The following TNFRSF11A variants were observed in gnomAD, a reference collection of about 807,000 sequenced individuals.
TNFRSF11A encodes the protein TNF receptor superfamily member 11a, also known as tumor necrosis factor receptor superfamily member 11A.
In TNFRSF11A, 32 loss-of-function variants were observed where a neutral mutation model predicts 55.7. The ratio of observed to expected loss-of-function variants is 0.57; its 90% CI spans 0.43 to 0.77. The LOEUF is 0.77. Among genes scored for constraint, TNFRSF11A ranks in the 30% least tolerant of loss-of-function variants. The pLI, the probability that TNFRSF11A is intolerant of heterozygous loss-of-function variation, is 0.00. For missense variants in TNFRSF11A, 753 were observed against 809.8 expected, an observed-to-expected ratio of 0.93 and a Z score of 0.85; for synonymous variants, 311 against 331.0, an observed-to-expected ratio of 0.94 and a Z score of 0.65.
intron 9 of TNFRSF11A, among the ~76,000 whole-genome samples, chr18:62,369,799 A>G (rs1421353364): frequency 1.3e-5 from 2 of 152,200 alleles, no homozygotes; most frequent in Admixed American, 6.5e-5. Context: ...GACCCCGGAA[A>G]GACAAAGTCA....
In TNFRSF11A at chr18:62,325,499, C is replaced by G; in HGVS notation, c.75+72C>G. The G allele has an allele frequency of 9.6e-7, 1 of 1,043,920 alleles. No homozygotes were observed. The highest frequency in any genetic ancestry group is 1.2e-6 in the Non-Finnish European group (1 of 827,990). 64.7% of individuals were successfully genotyped at this position (1,043,920 alleles called of 1,614,324 possible). The stretch of plus-strand genomic sequence containing the variant: ...CGGGAGCCCCGGGAAGGGCCGGGGC[C>G]GGCGGCATCCTGGCTCCTCCGCCTT... On this transcript the variant is annotated intron_variant, in intron 1 of 9. Coordinates refer to ENST00000586569, the MANE Select transcript of TNFRSF11A (RefSeq NM_003839.4). This position sits in a 1 kb window ranked among gnomAD's most constrained non-coding sequence, Gnocchi z 4.7.
At chr18:62,372,686 A>G (rs1910635237) in intron 9 of TNFRSF11A, among the ~76,000 whole-genome samples, 1 of 151,936 alleles carries the variant, frequency 6.6e-6, no homozygotes, top group Non-Finnish European at 1.5e-5. Flanking sequence ...AGAAGTGCCC[A>G]GTGTCTATTG....
At chr18:62,342,259 C>A (rs965572481) in intron 1 of TNFRSF11A, among the ~76,000 whole-genome samples, 2 of 151,122 alleles carry the variant, frequency 1.3e-5, no homozygotes, top group African/African-American at 4.9e-5. Flanking sequence ...AAAATTAGCC[C>A]GGCATGGTGG....
intron 6 of TNFRSF11A, among the ~76,000 whole-genome samples, chr18:62,361,314 G>A (rs1013536607): frequency 2.6e-5 from 4 of 152,158 alleles, no homozygotes; most frequent in African/African-American, 4.8e-5. Flanking sequence ...AGAGATAGAA[G>A]AAGCTCCTTT....
At chr18:62,342,431 T>C (rs1056436921) in intron 1 of TNFRSF11A, among the ~76,000 whole-genome samples, 2 of 105,056 alleles carry the variant, frequency 1.9e-5, no homozygotes, top group Non-Finnish European at 2.4e-5. Flanking sequence ...AAAAATCCTA[T>C]ATTCTGTCAT....
At position 62,356,859 on chromosome 18, in the gene TNFRSF11A, A is replaced by G. The variant is rs577607785; in HGVS notation, c.428-1389A>G. Among the ~76,000 whole-genome samples, 5 of 152,386 alleles carry G rather than the reference A, an allele frequency of 3.3e-5. No homozygotes were observed. The South Asian group carries it at 8.3e-4, about 25-fold the overall frequency. ...AAAGGGAGCAAGGAAAGGAGCCTGC[A>G]GGATGCTTCTGGCAGGTCAGTGTTA... On this transcript the variant is annotated intron_variant, in intron 4 of 9. Coordinates refer to ENST00000586569, the MANE Select transcript of TNFRSF11A (RefSeq NM_003839.4).
chr18:62,369,353 C>G lies in TNFRSF11A; in HGVS notation c.1436C>G (p.Pro479Arg). 1.1e-5 allele frequency: 17 copies of G among 1,610,162 alleles called. No individual in the cohort carries two copies. The highest frequency in any genetic ancestry group is 1.4e-5 in the Non-Finnish European group (17 of 1,178,644). ...LPQCAYGMGLPPEEEASRTEA... is the reference protein window; with the variant it reads ...LPQCAYGMGLRPEEEASRTEA... ...CAGTGCGCCTATGGCATGGGCCTTCCCCCTGAAGAAGAAGCCAGCAGGACG... is the reference window on the plus strand; with the variant it reads ...CAGTGCGCCTATGGCATGGGCCTTCGCCCTGAAGAAGAAGCCAGCAGGACG... Residue 479 changes from proline to arginine, a missense_variant, in exon 9 of 10, where the codon CCC (proline) becomes CGC (arginine). Coordinates refer to ENST00000586569, the MANE Select transcript of TNFRSF11A (RefSeq NM_003839.4).
rs77350654 is a variant in TNFRSF11A at position 62,379,529 on chromosome 18, A to C, written c.1568-5222A>C. 3.9e-5 allele frequency among the ~76,000 whole-genome samples: 6 copies of C among 152,338 alleles called. No individual in the cohort carries two copies. The East Asian group carries it at 1.2e-3, about 29-fold the overall frequency. Reference sequence around the variant, plus strand: ...TGAATACTTTGGGATGATTCGGGGAATGAATTGCTAAAACCTTTTTGGTAT... The same window carrying C: ...TGAATACTTTGGGATGATTCGGGGACTGAATTGCTAAAACCTTTTTGGTAT... On this transcript the variant is annotated intron_variant, in intron 9 of 9. Coordinates refer to ENST00000586569, the MANE Select transcript of TNFRSF11A (RefSeq NM_003839.4).
intron 1 of TNFRSF11A, among the ~76,000 whole-genome samples, chr18:62,333,278 G>A (rs1347846524): frequency 2.6e-5 from 4 of 152,128 alleles, no homozygotes; most frequent in African/African-American, 9.7e-5. Context: ...TCTCCCCCGG[G>A]AACTCGTTAG....
intron 1 of TNFRSF11A, among the ~76,000 whole-genome samples, chr18:62,326,458 G>A (rs1039945385): frequency 6.6e-6 from 1 of 152,180 alleles, no homozygotes; most frequent in Admixed American, 6.5e-5. Context: ...AAACGAAGGC[G>A]GAAAAGTCTA....
At chr18:62,344,923 C>A (rs928507500) in intron 1 of TNFRSF11A, among the ~76,000 whole-genome samples, 3 of 152,158 alleles carry the variant, frequency 2.0e-5, no homozygotes, top group Non-Finnish European at 4.4e-5. Flanking sequence ...GGCAGTCTAA[C>A]GGGAAACTGA....
At chr18:62,372,020 A>G (rs747524838) in intron 9 of TNFRSF11A, among the ~76,000 whole-genome samples, 2 of 152,176 alleles carry the variant, frequency 1.3e-5, no homozygotes, top group Non-Finnish European at 2.9e-5. Context: ...GTGACTGGGG[A>G]CTTTTCCTTT....
intron 1 of TNFRSF11A, among the ~76,000 whole-genome samples, chr18:62,339,804 A>G (rs1397588586): frequency 6.6e-6 from 1 of 152,188 alleles, no homozygotes; most frequent in Admixed American, 6.5e-5. Flanking sequence ...GCAAAGGTGA[A>G]TGACTCAGAC....
chr18:62,349,420 A>G (rs1020811073), intron 2 of TNFRSF11A, among the ~76,000 whole-genome samples: 2 of 152,056 alleles, frequency 1.3e-5, no homozygotes, highest in African/African-American at 2.4e-5. Context: ...GCCTCAGGTG[A>G]TCCGCCCGTC....
At chr18:62,361,539 C>A in intron 6 of TNFRSF11A, 141 bp from the exon 7 acceptor site, 1 of 809,282 alleles carries the variant, frequency 1.2e-6, no homozygotes, top group Non-Finnish European at 2.2e-6. Context: ...GGACAAAGGG[C>A]AGCCAAGGGT....
Position 62,385,178 on chromosome 18 carries a change from C to G in TNFRSF11A, c.*144C>G, listed in dbSNP as rs1911630487. ...CGGCATTCTCTGCCCACTTTGCCTT[C>G]CAGGAAATGGGCTTTTCAGGAAGTG... On this transcript the variant is annotated 3_prime_UTR_variant, in exon 10 of 10. Coordinates refer to ENST00000586569, the MANE Select transcript of TNFRSF11A (RefSeq NM_003839.4). The G allele has an allele frequency of 1.0e-6, 1 of 992,328 alleles. No homozygotes were observed. The highest frequency in any genetic ancestry group is 1.4e-6 in the Non-Finnish European group (1 of 738,732). The allele number at this position is 992,328 out of a possible 1,614,324, so 61.5% of individuals were successfully genotyped here.
At chr18:62,341,951 T>A (rs952619764) in intron 1 of TNFRSF11A, among the ~76,000 whole-genome samples, 1 of 148,976 alleles carries the variant, frequency 6.7e-6, no homozygotes, top group Non-Finnish European at 1.5e-5. Context: ...TTTCGAGGAC[T>A]GCCCTGGGTA....
intron 6 of TNFRSF11A, among the ~76,000 whole-genome samples, chr18:62,360,834 T>G (rs1282134764): frequency 6.6e-6 from 1 of 151,916 alleles, no homozygotes; most frequent in African/African-American, 2.4e-5. Context: ...AGTGTGGAGG[T>G]GTGGGTCCAG....
intron 4 of TNFRSF11A, among the ~76,000 whole-genome samples, chr18:62,356,128 G>GT (rs1322502556): frequency 6.6e-6 from 1 of 152,130 alleles, no homozygotes; most frequent in Non-Finnish European, 1.5e-5. Context: ...TAACAAAAGC[G>GT]TTTTTTTCCA....
Sources: allele counts gnomAD v4.1 joint callset (sites outside exome capture counted in the v4.1 genomes callset), GRCh38; gene constraint gnomAD v4.1.1; non-coding constraint Gnocchi (gnomAD v3.1); transcripts MANE v1.5; gene names NCBI Gene and HGNC (gene_info 2026-07-23, HGNC 2026-07-21).